CELF2: variants seen among roughly 807,000 people sequenced by gnomAD.
CELF2 encodes CUG triplet repeat RNA-binding protein 2.
Under a neutral mutation model 62.6 loss-of-function variants are expected in CELF2, and 8 were observed. That is an observed-to-expected ratio of 0.13 (90% CI 0.07 to 0.23). The LOEUF (loss-of-function observed/expected upper bound fraction) is 0.23, where lower values mean the gene tolerates loss of function less well. CELF2 is among the 10% of genes least tolerant of loss of function. The probability of loss-of-function intolerance (pLI) is 1.00; values close to 1 mark genes in which losing one functional copy is unlikely to be tolerated. For missense variants in CELF2, 333 were observed against 671.0 expected, an observed-to-expected ratio of 0.50 and a Z score of 5.56; for synonymous variants, 258 against 250.0, an observed-to-expected ratio of 1.03 and a Z score of -0.30.
chr10:10,494,716 C>A, the CELF2 span, among the ~76,000 whole-genome samples: 22 of 152,192 alleles, frequency 1.4e-4, no homozygotes, highest in African/African-American at 5.1e-4. Context: ...CATCATTGTA[C>A]CTGATCTTAG....
At chr10:10,670,340 C>T in the CELF2 span, among the ~76,000 whole-genome samples, 1 of 152,072 alleles carries the variant, frequency 6.6e-6, no homozygotes, top group African/African-American at 2.4e-5. Flanking sequence ...AAACATCAAA[C>T]AAAACATAAC....
chr10:10,603,002 G>A, the CELF2 span, among the ~76,000 whole-genome samples: 108 of 152,310 alleles, frequency 7.1e-4, no homozygotes, highest in Non-Finnish European at 1.2e-3. Flanking sequence ...AAGAGGGAAA[G>A]TACATTATGT....
At position 11,179,735 on chromosome 10, in the gene CELF2, C is replaced by T. The variant is rs184692796; in HGVS notation, c.271+14053C>T. ...CCTGTGTTGGGGAGAGAGCCTGTGA[C>T]AGTCTTCTTTTCTTTCCCCCCTGAA... On this transcript the variant is annotated intron_variant, in intron 2 of 12. Transcript: ENST00000633077. Among the ~76,000 whole-genome samples, 123 of 151,940 alleles carry T rather than the reference C, an allele frequency of 8.1e-4. 1 individual carries two copies. The highest frequency in any genetic ancestry group is 2.7e-3 in the African/African-American group (112 of 41,220).
intron 1 of CELF2, among the ~76,000 whole-genome samples, chr10:11,120,225 G>C (rs2057449542): frequency 6.6e-6 from 1 of 152,106 alleles, no homozygotes; most frequent in Non-Finnish European, 1.5e-5. Flanking sequence ...TGCATATTTA[G>C]CTCTTAATTT....
At chr10:10,599,821 T>C in the CELF2 span, among the ~76,000 whole-genome samples, 1 of 146,658 alleles carries the variant, frequency 6.8e-6, no homozygotes, top group Non-Finnish European at 1.5e-5. Context: ...AAGCTCCACC[T>C]CCTGGGTTCA....
chr10:11,182,802 C>T (rs745457339), intron 2 of CELF2, among the ~76,000 whole-genome samples: 6 of 152,164 alleles, frequency 3.9e-5, no homozygotes, highest in Admixed American at 2.0e-4. Flanking sequence ...TCCTTCTTGT[C>T]GCCCAATCTC....
rs530418299 is a variant in CELF2 at position 10,802,653 on chromosome 10, G to T, written c.53+3836G>T. On this transcript the variant is annotated intron_variant, in intron 1 of 13. Coordinates refer to the CELF2 transcript ENST00000636488. ...AAGCCCTAAGTCACCTCTGGGGAAG[G>T]ATTAAAAACCCCAAATCAAGTTTAA... Among the ~76,000 whole-genome samples the T allele has an allele frequency of 5.9e-5, 9 of 152,226 alleles. No homozygotes were observed. The South Asian group carries it at 1.2e-3, about 21-fold the overall frequency.
Position 11,165,802 on chromosome 10 carries a change from G to C in CELF2, c.271+120G>C. 1 of 935,440 alleles carries C rather than the reference G, an allele frequency of 1.1e-6. No individual in the cohort carries two copies. The highest frequency in any genetic ancestry group is 1.6e-6 in the Non-Finnish European group (1 of 644,064). 57.9% of individuals were successfully genotyped at this position (935,440 alleles called of 1,614,324 possible). ...GTAGGCAGGAGGGCTGGAAGCAGCCGGTGCTGGCGGCCCCTGTGCTCCAGG... is the reference window on the plus strand; with the variant it reads ...GTAGGCAGGAGGGCTGGAAGCAGCCCGTGCTGGCGGCCCCTGTGCTCCAGG... On this transcript the variant is annotated intron_variant, in intron 2 of 12. Coordinates refer to ENST00000633077, the MANE Select transcript of CELF2 (RefSeq NM_001326342.2). This position sits in a 1 kb window ranked among gnomAD's most constrained non-coding sequence, Gnocchi z 7.4.
intron 1 of CELF2, among the ~76,000 whole-genome samples, chr10:11,037,668 C>T (rs999085297): frequency 1.3e-5 from 2 of 152,076 alleles, no homozygotes; most frequent in Admixed American, 6.5e-5. Flanking sequence ...ACTAAAAGAA[C>T]GGTGAGAGTT....
the CELF2 span, among the ~76,000 whole-genome samples, chr10:10,571,698 C>T: frequency 6.6e-6 from 1 of 152,126 alleles, no homozygotes; most frequent in East Asian, 1.9e-4. Flanking sequence ...AGATTGCTAT[C>T]AGGATGCTTG....
intron 1 of CELF2, among the ~76,000 whole-genome samples, chr10:10,875,644 G>A (rs933705743): frequency 7.2e-5 from 11 of 152,156 alleles, no homozygotes; most frequent in African/African-American, 2.7e-4. Flanking sequence ...TTTCCTGCCT[G>A]TGCTGGGGTG....
chr10:11,037,187 G>C (rs2061093842), intron 1 of CELF2, among the ~76,000 whole-genome samples: 1 of 152,364 alleles, frequency 6.6e-6, no homozygotes, highest in East Asian at 1.9e-4. Flanking sequence ...CGAAGGAAGA[G>C]CAAAGGGACA....
chr10:11,303,592 G>T (rs1238800725), intron 9 of CELF2, among the ~76,000 whole-genome samples: 1 of 152,208 alleles, frequency 6.6e-6, no homozygotes, highest in African/African-American at 2.4e-5. Flanking sequence ...CCCATCCGCA[G>T]AGGCAGTGTG....
At chr10:11,023,673 C>T (rs1366975887) in intron 1 of CELF2, among the ~76,000 whole-genome samples, 1 of 152,310 alleles carries the variant, frequency 6.6e-6, no homozygotes, top group Non-Finnish European at 1.5e-5. Flanking sequence ...TCACTCTCCC[C>T]ATTTGTTCTA....
At chr10:10,509,245 T>G in the CELF2 span, among the ~76,000 whole-genome samples, 1 of 152,222 alleles carries the variant, frequency 6.6e-6, no homozygotes, top group East Asian at 1.9e-4. Flanking sequence ...TTGAGTAAAC[T>G]GTCCTAGCTC....
At chr10:10,946,131 C>T (rs944656968) in intron 2 of CELF2, 2 of 152,632 alleles carry the variant, frequency 1.3e-5, no homozygotes, top group African/African-American at 4.8e-5. Flanking sequence ...CAACACTCTG[C>T]TGAAAATGAT....
chr10:11,229,673 T>A lies in CELF2; in HGVS notation c.354+12166T>A, dbSNP rs993104556. Among the ~76,000 whole-genome samples the A allele has an allele frequency of 2.0e-5, 3 of 151,478 alleles. No individual in the cohort carries two copies. In the East Asian group the frequency reaches 5.9e-4, roughly 30 times the overall value. ...GGCGCAATCTTGGCTCACTGCAACC[T>A]CCACCTCCCAGGTTCACATGATTCT... On this transcript the variant is annotated intron_variant, in intron 3 of 12. Coordinates refer to ENST00000633077, the MANE Select transcript of CELF2 (RefSeq NM_001326342.2).
intron 1 of CELF2, among the ~76,000 whole-genome samples, chr10:11,095,238 A>G (rs1399856555): frequency 6.6e-6 from 1 of 152,206 alleles, no homozygotes. Context: ...TTCTGAGAGA[A>G]GCATGCACAT....
chr10:10,912,585 G>A (rs771421291), intron 1 of CELF2, among the ~76,000 whole-genome samples: 6 of 152,154 alleles, frequency 3.9e-5, no homozygotes, highest in Non-Finnish European at 7.3e-5. Flanking sequence ...GGCCAGGGTG[G>A]TCTTGATCTC....
Sources: gnomAD v4.1 joint callset for allele counts (sites outside exome capture counted in the v4.1 genomes callset) on GRCh38, gnomAD v4.1.1 for gene constraint, Gnocchi (gnomAD v3.1) non-coding constraint, MANE v1.5 for transcripts, NCBI Gene and HGNC (gene_info 2026-07-23, HGNC 2026-07-21) for gene names.